The following RANBP10 variants were observed in gnomAD, a reference collection of about 807,000 sequenced individuals.
RANBP10 encodes ran-binding protein 10.
A neutral mutation model predicts 72.8 loss-of-function variants in RANBP10; 24 were observed. That is an observed-to-expected ratio of 0.33 (90% confidence interval 0.24 to 0.46). RANBP10 has a LOEUF of 0.46. Ranked by LOEUF, RANBP10 falls within the 20% of genes least tolerant of loss-of-function variation. The probability of loss-of-function intolerance (pLI) is 1.00; values close to 1 mark genes in which losing one functional copy is unlikely to be tolerated. For synonymous variants in RANBP10, 310 were observed against 322.3 expected (o/e 0.96, Z 0.41); for missense variants, 679 against 817.5 (o/e 0.83, Z 2.07).
intron 3 of RANBP10, among the ~76,000 whole-genome samples, chr16:67,771,144 C>A (rs897586597): frequency 6.6e-6 from 1 of 151,616 alleles, no homozygotes; most frequent in Admixed American, 6.6e-5. Context: ...CTCCTGTGGT[C>A]CCAGCTACTA....
chr16:67,743,366 C>T (rs903311742), intron 4 of RANBP10, among the ~76,000 whole-genome samples: 1 of 151,922 alleles, frequency 6.6e-6, no homozygotes, highest in African/African-American at 2.4e-5. Flanking sequence ...GTGTGTAGAT[C>T]GGGGACTTCT....
intron 3 of RANBP10, among the ~76,000 whole-genome samples, chr16:67,751,460 CT>C (rs1297975209): frequency 6.6e-6 from 1 of 151,636 alleles, no homozygotes; most frequent in Non-Finnish European, 1.5e-5. Flanking sequence ...CCCATCTCCA[CT>C]TAAAAATAGA....
intron 4 of RANBP10, 43 bp downstream of exon 4, chr16:67,744,245 T>A: frequency 6.3e-7 from 1 of 1,585,650 alleles, no homozygotes; most frequent in Non-Finnish European, 8.6e-7. Context: ...CCAACCAAAG[T>A]GGCTCCACAG....
intron 2 of RANBP10, among the ~76,000 whole-genome samples, chr16:67,779,237 A>G (rs1303055346): frequency 3.3e-5 from 5 of 152,116 alleles, no homozygotes; most frequent in Admixed American, 6.6e-5. Context: ...TCCACCAAAA[A>G]TACAAAAATT....
At chr16:67,768,941 C>G (rs2054553983) in intron 3 of RANBP10, among the ~76,000 whole-genome samples, 1 of 152,202 alleles carries the variant, frequency 6.6e-6, no homozygotes, top group Non-Finnish European at 1.5e-5. Flanking sequence ...TTTCTCAGTC[C>G]TGGCTCCCGC....
chr16:67,773,467 C>T (rs1312417591), intron 2 of RANBP10, among the ~76,000 whole-genome samples: 1 of 152,146 alleles, frequency 6.6e-6, no homozygotes, highest in East Asian at 1.9e-4. Context: ...ATACACTGCC[C>T]CTGCCAGTCC....
Position 67,728,404 on chromosome 16 carries a change from T to C in RANBP10, c.1460A>G (p.Asp487Gly), listed in dbSNP as rs777157180. 1.1e-5 allele frequency: 18 copies of C among 1,614,000 alleles called. No individual in the cohort carries two copies. The Admixed American group carries it at 3.0e-4, about 27-fold the overall frequency. The change falls in exon 11 of 14, where the codon GAT becomes GGT. Residue 487 changes from aspartate (D) to glycine (G), a missense_variant. Transcript: ENST00000317506. ...GAYKHEDLQT[D>G]ESSMDDRHPR... ...GTGGCTCTCACCCATGCTGGACTCA[T>C]CCGTCTGCAGGTCCTCATGCTTGTA...
chr16:67,775,110 G>A (rs1023082964), intron 2 of RANBP10, among the ~76,000 whole-genome samples: 2 of 152,008 alleles, frequency 1.3e-5, no homozygotes, highest in South Asian at 2.1e-4. Context: ...TCAGGAGTTC[G>A]AGACCAGCCT....
chr16:67,755,367 G>A (rs2054267940), intron 3 of RANBP10, among the ~76,000 whole-genome samples: 1 of 152,172 alleles, frequency 6.6e-6, no homozygotes, highest in Non-Finnish European at 1.5e-5. Context: ...TGTCTCAGAG[G>A]GGACTGGGAT....
chr16:67,750,298 GC>G (rs1420042031), intron 3 of RANBP10, among the ~76,000 whole-genome samples: 2 of 152,218 alleles, frequency 1.3e-5, no homozygotes, highest in African/African-American at 4.8e-5. Context: ...TTAGAACTAT[GC>G]CCAAGAACTA....
chr16:67,803,650 C>CAAA (rs1184321273), intron 2 of RANBP10, among the ~76,000 whole-genome samples: 1 of 47,084 alleles, frequency 2.1e-5, no homozygotes, highest in African/African-American at 6.5e-5. Context: ...AACTCCGTCT[C>CAAA]AAAAAAAAAA....
chr16:67,759,579 C>T (rs1416590759), intron 3 of RANBP10: 1 of 152,340 alleles, frequency 6.6e-6, no homozygotes, highest in African/African-American at 2.4e-5. Context: ...TCACCCAGCT[C>T]GGAAGAAGCA....
At position 67,730,385 on chromosome 16, in the gene RANBP10, G is replaced by C. The variant is rs1313832671; in HGVS notation, c.890-339C>G. ...GCCCCAGCTGGGGCAACATGATCTGGGGATGGGCACCCAGGCAGCTTGGCG... is the reference window on the plus strand; with the variant it reads ...GCCCCAGCTGGGGCAACATGATCTGCGGATGGGCACCCAGGCAGCTTGGCG... On this transcript the variant is annotated intron_variant, in intron 7 of 13. Coordinates refer to ENST00000317506, the MANE Select transcript of RANBP10 (RefSeq NM_020850.3). This position sits in a 1 kb window ranked among gnomAD's most constrained non-coding sequence, Gnocchi z 4.3. 1.3e-5 allele frequency among the ~76,000 whole-genome samples: 2 copies of C among 152,162 alleles called. No homozygotes were observed. The highest frequency in any genetic ancestry group is 4.8e-5 in the African/African-American group (2 of 41,444).
At chr16:67,787,527 G>A (rs2054938187) in intron 2 of RANBP10, among the ~76,000 whole-genome samples, 1 of 152,098 alleles carries the variant, frequency 6.6e-6, no homozygotes, top group African/African-American at 2.4e-5. Context: ...ACCATTCTTA[G>A]GTGAACACCC....
intron 2 of RANBP10, among the ~76,000 whole-genome samples, chr16:67,774,780 A>G (rs558116239): frequency 6.6e-6 from 1 of 152,122 alleles, no homozygotes; most frequent in African/African-American, 2.4e-5. Flanking sequence ...TCTTTTCCAA[A>G]AGCATGGTGT....
rs1360370311 is a variant in RANBP10 at position 67,726,557 on chromosome 16, C to T, written c.1734G>A (p.Glu578=). ...GGGGCTGCTTTGGCAGGTTCTGGGA[C>T]TCTGTGGAGGAAAGACAAGGCCTGG... is the stretch of plus-strand genomic sequence containing the variant. ...VCAALNSAIL[E]SQNLPKQPPL... is the part of the protein sequence containing the mutation. The change falls in exon 14 of 14, where the codon GAG becomes GAA. Residue 578 remains glutamate (E), a splice_region_variant and synonymous_variant. Coordinates refer to ENST00000317506, the MANE Select transcript of RANBP10 (RefSeq NM_020850.3). The T allele has an allele frequency of 7.1e-6, 11 of 1,554,048 alleles. No homozygotes were observed. The highest frequency in any genetic ancestry group is 9.6e-6 in the Non-Finnish European group (11 of 1,148,348).
rs35741053 is a variant in RANBP10 at position 67,772,090 on chromosome 16, CAAAAAA to C, written c.348-10_348-5del. On this transcript the variant is annotated splice_polypyrimidine_tract_variant and splice_region_variant and intron_variant, in intron 2 of 13. Transcript: ENST00000317506. ...CGAGAGTCCTATTCCCATGTAACTT[CAAAAAA>C]AAAAAAAAAAAAAACACAAAATTTT... 4 of 1,316,300 alleles carry C rather than the reference CAAAAAA, an allele frequency of 3.0e-6. No homozygotes were observed. Among genetic ancestry groups the C allele is most frequent in the South Asian group, 3.2e-5 (2 of 62,008 alleles). The allele number at this position is 1,316,300 out of a possible 1,614,324, so 81.5% of individuals were successfully genotyped here.
chr16:67,728,734 C>G, intron 10 of RANBP10: 1 of 784,776 alleles, frequency 1.3e-6, no homozygotes, highest in African/African-American at 1.7e-5. Context: ...TGCCCCAGTG[C>G]TGCCTCTGTG....
intron 4 of RANBP10, among the ~76,000 whole-genome samples, chr16:67,740,772 T>A (rs2053953783): frequency 6.6e-6 from 1 of 152,226 alleles, no homozygotes; most frequent in Non-Finnish European, 1.5e-5. Context: ...TCGGCTATTT[T>A]GTTTGCTTCT....
Sources: gnomAD v4.1 joint callset for allele counts (sites outside exome capture counted in the v4.1 genomes callset) on GRCh38, gnomAD v4.1.1 for gene constraint, Gnocchi (gnomAD v3.1) non-coding constraint, MANE v1.5 for transcripts, NCBI Gene and HGNC (gene_info 2026-07-23, HGNC 2026-07-21) for gene names.